Variants in SEMA5A observed in about 807,000 individuals in gnomAD.
The protein encoded by SEMA5A is semaphorin 5A.
SEMA5A carries 55 observed loss-of-function variants against 135.5 expected under a neutral mutation model. The ratio of observed to expected loss-of-function variants is 0.41; its 90% CI spans 0.33 to 0.51. The LOEUF is 0.51. SEMA5A is among the 20% of genes least tolerant of loss of function. The probability of loss-of-function intolerance (pLI) is 0.37; values close to 1 mark genes in which losing one functional copy is unlikely to be tolerated. For synonymous variants in SEMA5A, 580 were observed against 546.5 expected, an observed-to-expected ratio of 1.06 and a Z score of -0.85; for missense variants, 1,290 against 1,419.9, an observed-to-expected ratio of 0.91 and a Z score of 1.47.
intron 11 of SEMA5A, among the ~76,000 whole-genome samples, chr5:9,188,410 A>C (rs1351967910): frequency 6.6e-6 from 1 of 152,210 alleles, no homozygotes; most frequent in Non-Finnish European, 1.5e-5. Context: ...TCAGAAGTTC[A>C]CTACAGTTCA....
At chr5:9,517,788 C>T (rs1172995460) in intron 1 of SEMA5A, 1 of 152,102 alleles carries the variant, frequency 6.6e-6, no homozygotes, top group African/African-American at 2.4e-5. Flanking sequence ...CTGTGCCTTA[C>T]CAATGAGCCG....
chr5:9,343,948 C>A (rs1205161351), intron 3 of SEMA5A, among the ~76,000 whole-genome samples: 1 of 152,146 alleles, frequency 6.6e-6, no homozygotes, highest in Non-Finnish European at 1.5e-5. Flanking sequence ...CAAATCTTTT[C>A]AGTGATTATC....
chr5:9,300,076 G>T (rs1331789678), intron 5 of SEMA5A, among the ~76,000 whole-genome samples: 1 of 152,096 alleles, frequency 6.6e-6, no homozygotes, highest in Non-Finnish European at 1.5e-5. Context: ...TGTTAGACTG[G>T]GGTGCACTGG....
chr5:9,390,848 T>G (rs545410218), intron 2 of SEMA5A: 1 of 152,286 alleles, frequency 6.6e-6, no homozygotes, highest in African/African-American at 2.4e-5. Flanking sequence ...AAATCCAAAG[T>G]AGGTTATGTA....
chr5:9,236,352 A>T (rs548460223), intron 6 of SEMA5A, among the ~76,000 whole-genome samples: 2 of 152,014 alleles, frequency 1.3e-5, no homozygotes, highest in South Asian at 4.2e-4. Flanking sequence ...TGTAAGTCTG[A>T]CTCCAGGTCC....
chr5:9,345,549 G>C (rs1205715), intron 3 of SEMA5A, among the ~76,000 whole-genome samples: 147,218 of 150,756 alleles, frequency 0.98, 71,954 homozygotes, highest in Middle Eastern at 1. Context: ...AAAGTGGTCT[G>C]TACCAGGCTG....
intron 15 of SEMA5A, among the ~76,000 whole-genome samples, chr5:9,108,644 A>T (rs980924128): frequency 9.9e-5 from 15 of 152,206 alleles, no homozygotes; most frequent in Non-Finnish European, 1.8e-4. Context: ...TGTGAACATA[A>T]ACATTGAAAG....
At chr5:9,379,530 G>A (rs1409501840) in intron 3 of SEMA5A, among the ~76,000 whole-genome samples, 1 of 152,124 alleles carries the variant, frequency 6.6e-6, no homozygotes, top group East Asian at 1.9e-4. Flanking sequence ...TTTATCCTTT[G>A]GTTCAAACAC....
chr5:9,315,001 T>A (rs891429349), intron 5 of SEMA5A, among the ~76,000 whole-genome samples: 1 of 152,118 alleles, frequency 6.6e-6, no homozygotes, highest in African/African-American at 2.4e-5. Flanking sequence ...CAACCTGATT[T>A]CCACCGAAGG....
chr5:9,360,469 T>A (rs1384552555), intron 3 of SEMA5A, among the ~76,000 whole-genome samples: 1 of 152,252 alleles, frequency 6.6e-6, no homozygotes, highest in Non-Finnish European at 1.5e-5. Flanking sequence ...CTATCTCAAT[T>A]GTGTCCCCCA....
intron 11 of SEMA5A, among the ~76,000 whole-genome samples, chr5:9,185,187 C>T (rs538554699): frequency 2.6e-5 from 4 of 152,250 alleles, no homozygotes; most frequent in Admixed American, 2.6e-4. Flanking sequence ...TTTGTCCTCC[C>T]GAAGTTCTGG....
intron 2 of SEMA5A, among the ~76,000 whole-genome samples, chr5:9,415,989 GCACT>G (rs1339396342): frequency 2.6e-5 from 4 of 152,102 alleles, no homozygotes; most frequent in Admixed American, 2.6e-4. Context: ...CTTTAAAGTC[GCACT>G]CACTCAGCTC....
chr5:9,043,069 G>A, intron 22 of SEMA5A, 53 bp from the exon 23 acceptor site: 1 of 1,448,122 alleles, frequency 6.9e-7, no homozygotes, highest in South Asian at 1.2e-5. Flanking sequence ...TAGCATTTCA[G>A]AAATAATATA....
intron 8 of SEMA5A, 54 bp from the exon 9 acceptor site, chr5:9,202,294 T>C: frequency 6.4e-7 from 1 of 1,566,786 alleles, no homozygotes; most frequent in East Asian, 2.2e-5. Context: ...CATTCCCTTT[T>C]GGTCTTGCCT....
intron 11 of SEMA5A, among the ~76,000 whole-genome samples, chr5:9,158,867 T>C (rs933332936): frequency 2.6e-5 from 4 of 152,214 alleles, no homozygotes; most frequent in Non-Finnish European, 4.4e-5. Context: ...AATATTATAC[T>C]TCACTACATA....
intron 3 of SEMA5A, among the ~76,000 whole-genome samples, chr5:9,341,205 TACAC>T (rs113319079): frequency 8.0e-4 from 115 of 144,612 alleles, no homozygotes; most frequent in Non-Finnish European, 1.4e-3. Flanking sequence ...CACACACACA[TACAC>T]ACACACACAC....
intron 5 of SEMA5A, among the ~76,000 whole-genome samples, chr5:9,272,784 A>T (rs969370221): frequency 6.6e-6 from 1 of 152,192 alleles, no homozygotes; most frequent in Admixed American, 6.5e-5. Flanking sequence ...GAATGTTAGA[A>T]GGAACACTAA....
At chr5:9,508,808 T>G (rs1736050402) in intron 1 of SEMA5A, among the ~76,000 whole-genome samples, 1 of 152,184 alleles carries the variant, frequency 6.6e-6, no homozygotes, top group Non-Finnish European at 1.5e-5. Context: ...CGAAGGAAGT[T>G]CTGACAGGTT....
At chr5:9,452,145 A>G (rs1029983008) in intron 1 of SEMA5A, among the ~76,000 whole-genome samples, 3 of 152,190 alleles carry the variant, frequency 2.0e-5, no homozygotes, top group Non-Finnish European at 4.4e-5. Flanking sequence ...CCTAATGCTG[A>G]GGACAGACCA....
Sources: gnomAD v4.1 joint callset for allele counts (sites outside exome capture counted in the v4.1 genomes callset) on GRCh38, gnomAD v4.1.1 for gene constraint, MANE v1.5 for transcripts, NCBI Gene and HGNC (gene_info 2026-07-23, HGNC 2026-07-21) for gene names.